RANBP2: variants seen among roughly 807,000 people sequenced by gnomAD.
RANBP2 encodes the protein RAN binding protein 2, also known as E3 SUMO-protein ligase RanBP2.
In RANBP2, 57 loss-of-function variants were observed where a neutral mutation model predicts 303.6. The observed-to-expected ratio is 0.19, with a 90% CI of 0.15 to 0.23. The LOEUF (loss-of-function observed/expected upper bound fraction) is 0.23. Among genes scored for constraint, RANBP2 ranks in the 10% least tolerant of loss-of-function variants. The pLI, the probability that RANBP2 is intolerant of heterozygous loss-of-function variation, is 1.00. For missense variants in RANBP2, 3,138 were observed against 3,780.8 expected (o/e 0.83, Z 4.46); for synonymous variants, 1,167 against 1,301.5 (o/e 0.90, Z 2.23).
chr2:109,025,446 T>A, the RANBP2 span, among the ~76,000 whole-genome samples: 1 of 152,224 alleles, frequency 6.6e-6, no homozygotes, highest in South Asian at 2.1e-4. Flanking sequence ...AGTAAAGATA[T>A]GATTTATAAC....
the RANBP2 span, among the ~76,000 whole-genome samples, chr2:109,560,554 C>A: frequency 3.3e-5 from 5 of 152,180 alleles, no homozygotes; most frequent in African/African-American, 4.8e-5. Flanking sequence ...TTTAAATACC[C>A]ATGACTCTTA....
At chr2:109,120,568 C>G in the RANBP2 span, among the ~76,000 whole-genome samples, 1 of 150,956 alleles carries the variant, frequency 6.6e-6, no homozygotes, top group Admixed American at 6.6e-5. Context: ...TCTAGGTGAC[C>G]TTTCCTTCCA....
the RANBP2 span, among the ~76,000 whole-genome samples, chr2:109,408,982 T>A: frequency 1.3e-5 from 2 of 152,180 alleles, no homozygotes; most frequent in Non-Finnish European, 2.9e-5. Context: ...GCAAGATAGG[T>A]TGCTTCTTAG....
At chr2:108,829,937 T>A in the RANBP2 span, among the ~76,000 whole-genome samples, 2 of 152,140 alleles carry the variant, frequency 1.3e-5, no homozygotes, top group African/African-American at 4.8e-5. Context: ...TTCAAAATAA[T>A]TGAAAGCAGA....
At chr2:109,014,633 T>C in the RANBP2 span, among the ~76,000 whole-genome samples, 1 of 152,184 alleles carries the variant, frequency 6.6e-6, no homozygotes, top group Non-Finnish European at 1.5e-5. Context: ...TCTGACCAGG[T>C]TTTCCCATGC....
At chr2:109,377,006 T>G in the RANBP2 span, among the ~76,000 whole-genome samples, 7 of 152,192 alleles carry the variant, frequency 4.6e-5, no homozygotes, top group Non-Finnish European at 7.3e-5. Flanking sequence ...CAGGTCTGCT[T>G]AGGAAGGAAC....
the RANBP2 span, among the ~76,000 whole-genome samples, chr2:109,099,400 G>A: frequency 6.6e-6 from 1 of 152,092 alleles, no homozygotes; most frequent in Admixed American, 6.5e-5. Context: ...TTAGCAGAGG[G>A]AATGCTGGTC....
chr2:109,031,405 C>A, the RANBP2 span, among the ~76,000 whole-genome samples: 2 of 152,294 alleles, frequency 1.3e-5, no homozygotes, highest in South Asian at 2.1e-4. Flanking sequence ...AGGTTATCAG[C>A]CCCGTTCCCC....
chr2:109,027,855 C>G, the RANBP2 span, among the ~76,000 whole-genome samples: 2 of 152,218 alleles, frequency 1.3e-5, no homozygotes, highest in African/African-American at 4.8e-5. Flanking sequence ...CAGTCCCCTA[C>G]TTCTGTCTCT....
At chr2:109,454,657 T>C in the RANBP2 span, among the ~76,000 whole-genome samples, 3 of 152,152 alleles carry the variant, frequency 2.0e-5, no homozygotes, top group Non-Finnish European at 4.4e-5. Flanking sequence ...CATTTTTATT[T>C]AGATTGGATG....
At chr2:109,213,171 C>T in the RANBP2 span, among the ~76,000 whole-genome samples, 4 of 152,140 alleles carry the variant, frequency 2.6e-5, no homozygotes, top group Non-Finnish European at 5.9e-5. Context: ...ACCACATGGG[C>T]GCGGTTGCTT....
chr2:109,308,026 T>G, the RANBP2 span, among the ~76,000 whole-genome samples: 1 of 146,120 alleles, frequency 6.8e-6, no homozygotes, highest in Admixed American at 6.8e-5. Context: ...TTGAACTAGT[T>G]TACAGTCCCA....
At chr2:109,535,929 C>T in the RANBP2 span, among the ~76,000 whole-genome samples, 3 of 151,892 alleles carry the variant, frequency 2.0e-5, no homozygotes, top group Non-Finnish European at 2.9e-5. Flanking sequence ...TGGCAGCTTC[C>T]ATGTGGTGTT....
At position 108,740,639 on chromosome 2, in the gene RANBP2, T is replaced by C. The variant is rs751849597; in HGVS notation, c.933T>C (p.Ala311=). ...ATAGTAGTAATGTTCAATGGCGAGC[T>C]CTTTCTGAGCTGGCTGCATTGTGCT... ...GQHSSNVQWR[A]LSELAALCYL... The change falls in exon 7 of 29, where the codon GCT becomes GCC. Residue 311 remains alanine (A), a synonymous_variant. Transcript: ENST00000283195. 4.4e-6 allele frequency: 7 copies of C among 1,597,522 alleles called. No individual in the cohort carries two copies. The East Asian group carries it at 1.6e-4, about 36-fold the overall frequency.
the RANBP2 span, among the ~76,000 whole-genome samples, chr2:108,962,759 G>T: frequency 6.6e-6 from 1 of 150,702 alleles, no homozygotes; most frequent in Non-Finnish European, 1.5e-5. Flanking sequence ...TTCCTGGCAT[G>T]ACACCATCGC....
chr2:109,198,464 A>G, the RANBP2 span, among the ~76,000 whole-genome samples: 12 of 152,212 alleles, frequency 7.9e-5, no homozygotes, highest in Middle Eastern at 3.2e-3. Context: ...TTGGAGGATG[A>G]TAGCTGTCTG....
intron 20 of RANBP2, among the ~76,000 whole-genome samples, chr2:108,770,263 G>A (rs1677405422): frequency 6.6e-6 from 1 of 152,132 alleles, no homozygotes; most frequent in South Asian, 2.1e-4. Context: ...ATTTACCCAA[G>A]GTGTCTTTAC....
chr2:108,870,673 C>A, the RANBP2 span, among the ~76,000 whole-genome samples: 1 of 152,164 alleles, frequency 6.6e-6, no homozygotes, highest in East Asian at 1.9e-4. Flanking sequence ...CTGATACATG[C>A]TACAGAATGG....
intron 6 of RANBP2, among the ~76,000 whole-genome samples, chr2:108,739,837 G>A (rs540206284): frequency 3.7e-4 from 57 of 152,132 alleles, no homozygotes; most frequent in Non-Finnish European, 7.5e-4. Flanking sequence ...TATAAAAAAA[G>A]TTTAGCGGGG....
Sources: allele counts gnomAD v4.1 joint callset (sites outside exome capture counted in the v4.1 genomes callset), GRCh38; gene constraint gnomAD v4.1.1; transcripts MANE v1.5; gene names NCBI Gene and HGNC (gene_info 2026-07-23, HGNC 2026-07-21).